STAT3: variants seen among roughly 807,000 people sequenced by gnomAD.
STAT3 encodes the protein signal transducer and activator of transcription 3.
In STAT3, 7 loss-of-function variants were observed where a neutral mutation model predicts 114.3. The ratio of observed to expected loss-of-function variants is 0.06; its 90% confidence interval spans 0.03 to 0.11. The LOEUF (loss-of-function observed/expected upper bound fraction) is 0.11. STAT3 is among the 10% of genes least tolerant of loss of function. The pLI is 1.00. For missense variants in STAT3, 364 were observed against 960.9 expected, an observed-to-expected ratio of 0.38 and a Z score of 8.21; for synonymous variants, 331 against 354.5, an observed-to-expected ratio of 0.93 and a Z score of 0.74.
intron 1 of STAT3, among the ~76,000 whole-genome samples, chr17:42,352,386 C>T (rs1223202299): frequency 1.3e-5 from 2 of 151,980 alleles, no homozygotes; most frequent in Admixed American, 6.6e-5. Context: ...GATTCACCTG[C>T]CACAGGACAA....
chr17:42,372,140 C>G (rs1567753488), intron 1 of STAT3, among the ~76,000 whole-genome samples: 1 of 152,180 alleles, frequency 6.6e-6, no homozygotes, highest in South Asian at 2.1e-4. Flanking sequence ...GGTACAGTCA[C>G]TTTGAATATA....
At chr17:42,334,428 C>A (rs1270514681) in intron 8 of STAT3, among the ~76,000 whole-genome samples, 1 of 147,354 alleles carries the variant, frequency 6.8e-6, no homozygotes, top group Non-Finnish European at 1.5e-5. Flanking sequence ...GTGTAAGCCA[C>A]TGCGCCTGGC....
At chr17:42,378,855 C>A (rs572680468) in intron 1 of STAT3, among the ~76,000 whole-genome samples, 2 of 152,038 alleles carry the variant, frequency 1.3e-5, no homozygotes, top group African/African-American at 4.8e-5. Context: ...TAGATTCTGT[C>A]AGAAAAAGTG....
At position 42,329,399 on chromosome 17, in the gene STAT3, AC is replaced by A; in HGVS notation, c.1281+10del. 6.2e-7 allele frequency: 1 copy of A among 1,613,702 alleles called. No individual in the cohort carries two copies. Among genetic ancestry groups the A allele is most frequent in the East Asian group, 2.2e-5 (1 of 44,886 alleles). ...ACACCCCAGTTGTCTTTCATCCCCA[AC>A]AAAACTTACATCACAATTGGCTCGG... On this transcript the variant is annotated intron_variant, in intron 14 of 23. Transcript: ENST00000264657.
intron 4 of STAT3, 195 bp downstream of exon 4, chr17:42,345,364 T>C: frequency 1.7e-6 from 1 of 575,468 alleles, no homozygotes; most frequent in Non-Finnish European, 3.0e-6. Flanking sequence ...ACTTTCTTTT[T>C]TTTAGAGTTT....
At position 42,388,422 on chromosome 17, in the gene STAT3, G is replaced by C; in HGVS notation, c.-167C>G. 1 of 1,231,860 alleles carries C rather than the reference G, an allele frequency of 8.1e-7. No homozygotes were observed. Among genetic ancestry groups the C allele is most frequent in the Non-Finnish European group, 1.0e-6 (1 of 988,034 alleles). The allele number at this position is 1,231,860 out of a possible 1,614,324, so 76.3% of individuals were successfully genotyped here. A position where few individuals can be genotyped will look rare whatever the true frequency, so the allele number is the denominator to read the frequency against. On this transcript the variant is annotated 5_prime_UTR_variant, in exon 1 of 24. Transcript: ENST00000264657. ...GGTGCCTGTCCAGGATCCGGTTGGG[G>C]CTTGTTCCCTCGGCTGCGACGTCGG...
At chr17:42,378,828 GAA>G (rs919571810) in intron 1 of STAT3, among the ~76,000 whole-genome samples, 52 of 152,250 alleles carry the variant, frequency 3.4e-4, no homozygotes, top group African/African-American at 1.3e-3. Flanking sequence ...GGGAAAACAA[GAA>G]AAGTCTAATG....
intron 1 of STAT3, among the ~76,000 whole-genome samples, chr17:42,358,385 G>A (rs2083334355): frequency 6.6e-6 from 1 of 152,196 alleles, no homozygotes; most frequent in Admixed American, 6.5e-5. Context: ...TCCAGCCTGG[G>A]TGACAGAGCT....
intron 1 of STAT3, among the ~76,000 whole-genome samples, chr17:42,359,000 A>G (rs2083376474): frequency 7.0e-6 from 1 of 141,932 alleles, no homozygotes; most frequent in Non-Finnish European, 1.5e-5. Flanking sequence ...GGTGGGCACA[A>G]TCTCAGCTCA....
intron 1 of STAT3, among the ~76,000 whole-genome samples, chr17:42,368,942 CTTT>C (rs2083953818): frequency 6.6e-6 from 1 of 152,080 alleles, no homozygotes; most frequent in African/African-American, 2.4e-5. Flanking sequence ...TGGTTTCCTT[CTTT>C]GTGTTCACAA....
At chr17:42,378,865 GT>G (rs2084621260) in intron 1 of STAT3, among the ~76,000 whole-genome samples, 1 of 152,176 alleles carries the variant, frequency 6.6e-6, no homozygotes, top group Admixed American at 6.6e-5. Flanking sequence ...CAGAAAAAGT[GT>G]TTGCTAAAAA....
chr17:42,376,466 G>A (rs2084468608), intron 1 of STAT3, among the ~76,000 whole-genome samples: 1 of 149,612 alleles, frequency 6.7e-6, no homozygotes, highest in African/African-American at 2.5e-5. Context: ...AGAATCACTT[G>A]AACCCGGGAG....
chr17:42,364,192 G>A (rs1460099586), intron 1 of STAT3, among the ~76,000 whole-genome samples: 1 of 152,108 alleles, frequency 6.6e-6, no homozygotes, highest in East Asian at 1.9e-4. Flanking sequence ...GAAAAGCATG[G>A]CATCAACATG....
intron 21 of STAT3, among the ~76,000 whole-genome samples, chr17:42,319,644 G>A (rs893831329): frequency 4.0e-5 from 6 of 150,066 alleles, no homozygotes; most frequent in Non-Finnish European, 8.9e-5. Flanking sequence ...AAGTGGCTCC[G>A]AACCTCTCCC....
At chr17:42,362,643 TA>T (rs1456695149) in intron 1 of STAT3, among the ~76,000 whole-genome samples, 2 of 152,228 alleles carry the variant, frequency 1.3e-5, no homozygotes, top group Non-Finnish European at 2.9e-5. Flanking sequence ...CTTTGTGCCT[TA>T]ATTTCCTCAT....
At chr17:42,370,479 CG>C (rs2084054621) in intron 1 of STAT3, among the ~76,000 whole-genome samples, 1 of 151,576 alleles carries the variant, frequency 6.6e-6, no homozygotes, top group South Asian at 2.1e-4. Context: ...TTCCTGACCT[CG>C]GGTGATCTGC....
chr17:42,366,457 G>A (rs1268311815), intron 1 of STAT3, among the ~76,000 whole-genome samples: 2 of 152,200 alleles, frequency 1.3e-5, no homozygotes. Flanking sequence ...GATCACTTGA[G>A]CTCAGGAGTT....
At chr17:42,331,578 C>T (rs1390998887) in intron 10 of STAT3, 47 bp from the exon 11 acceptor site, 2 of 1,454,384 alleles carry the variant, frequency 1.4e-6, no homozygotes, top group African/African-American at 2.8e-5. Flanking sequence ...GTAACTCTCC[C>T]ATAACCTTTT....
Position 42,371,924 on chromosome 17 carries a change from A to G in STAT3, c.-24+16355T>C, listed in dbSNP as rs541531901. Among the ~76,000 whole-genome samples the G allele has an allele frequency of 3.3e-5, 5 of 152,232 alleles. No homozygotes were observed. The South Asian group carries it at 1.0e-3, about 32-fold the overall frequency. On this transcript the variant is annotated intron_variant, in intron 1 of 23. Coordinates refer to ENST00000264657, the MANE Select transcript of STAT3 (RefSeq NM_139276.3). Reference sequence around the variant, plus strand: ...CTTGAAACTGGGAGGCGGAGGCTGCAGTGAGCCGAGATTGCGCCATTGCAC... The same window carrying G: ...CTTGAAACTGGGAGGCGGAGGCTGCGGTGAGCCGAGATTGCGCCATTGCAC...
Sources: gnomAD v4.1 joint callset for allele counts (sites outside exome capture counted in the v4.1 genomes callset) on GRCh38, gnomAD v4.1.1 for gene constraint, MANE v1.5 for transcripts, NCBI Gene and HGNC (gene_info 2026-07-23, HGNC 2026-07-21) for gene names.